AXDND1: variants seen among roughly 807,000 people sequenced by gnomAD.
The protein encoded by AXDND1 is axonemal dynein light chain domain containing 1, also known as axonemal dynein light chain domain-containing protein 1.
A neutral mutation model predicts 137.5 loss-of-function variants in AXDND1; 110 were observed. That is an observed-to-expected ratio of 0.80 (90% CI 0.69 to 0.94). The LOEUF (loss-of-function observed/expected upper bound fraction) is 0.94, where lower values mean the gene tolerates loss of function less well. AXDND1 is among the 40% of genes least tolerant of loss of function. The pLI, the probability that AXDND1 is intolerant of heterozygous loss-of-function variation, is 0.00. For synonymous variants in AXDND1, 414 were observed against 399.7 expected (o/e 1.04, Z -0.43); for missense variants, 1,191 against 1,169.8 (o/e 1.02, Z -0.26).
chr1:179,369,416 G>T (rs572579507), intron 3 of AXDND1, among the ~76,000 whole-genome samples: 1 of 152,286 alleles, frequency 6.6e-6, no homozygotes, highest in African/African-American at 2.4e-5. Context: ...AGCACTTTGG[G>T]AGGCTGAGGC....
rs907733097 is a variant in AXDND1 at position 179,432,273 on chromosome 1, A to G, written c.1494A>G (p.Lys498=). 3 of 1,549,364 alleles carry G rather than the reference A, an allele frequency of 1.9e-6. No individual in the cohort carries two copies. Among genetic ancestry groups the G allele is most frequent in the Admixed American group, 2.0e-5 (1 of 50,996 alleles). ...TTTTTTTTCTTCTTTTCAGTGAAAAAGACATTTTATCCCCTAATAAGGGAA... is the reference window on the plus strand; with the variant it reads ...TTTTTTTTCTTCTTTTCAGTGAAAAGGACATTTTATCCCCTAATAAGGGAA... ...LIKWQEFFNE[K]DILSPNKGNI... is the part of the protein sequence containing the mutation. The change falls in exon 15 of 26, where the codon AAA becomes AAG. Residue 498 remains lysine, a synonymous_variant. Transcript: ENST00000367618.
chr1:179,458,018 C>G (rs540853414), intron 16 of AXDND1, among the ~76,000 whole-genome samples: 34 of 141,384 alleles, frequency 2.4e-4, no homozygotes, highest in African/African-American at 9.1e-4. Flanking sequence ...TTGAGACAGT[C>G]TTACTCTGTT....
intron 12 of AXDND1, among the ~76,000 whole-genome samples, chr1:179,418,518 C>T (rs1256310975): frequency 1.1e-4 from 17 of 152,322 alleles, no homozygotes; most frequent in Admixed American, 2.0e-4. Context: ...ACCTCCCAGA[C>T]GGGGTGGTGG....
At chr1:179,488,630 C>T (rs949138457) in intron 18 of AXDND1, among the ~76,000 whole-genome samples, 2 of 60,072 alleles carry the variant, frequency 3.3e-5, no homozygotes, top group Admixed American at 1.6e-4. Context: ...CTCTCTCTCT[C>T]TCTCCTTTCT....
At chr1:179,536,591 A>C (rs996662030) in intron 25 of AXDND1, among the ~76,000 whole-genome samples, 1 of 152,164 alleles carries the variant, frequency 6.6e-6, no homozygotes, top group Non-Finnish European at 1.5e-5. Context: ...TGGTACCAGT[A>C]CCATGCTGTT....
chr1:179,452,694 C>CAAAAAA (rs56975419), intron 16 of AXDND1: 7 of 68,730 alleles, frequency 1.0e-4, no homozygotes, highest in African/African-American at 2.7e-4. Context: ...GACTCCGTCT[C>CAAAAAA]AAAAAAAAAA....
rs1327174262 is a variant in AXDND1 at position 179,534,824 on chromosome 1, G to T, written c.2893G>T (p.Glu965Ter). ...HTLIKNKDLE[E>*]LVMTSRKESK... is the part of the protein sequence containing the mutation. ...CCTTATAAAAAATAAAGATCTAGAG[G>T]AATTAGTCATGACATCAAGAAAGGA... Residue 965 changes from glutamate (E) to a stop codon, truncating the protein, a stop_gained, in exon 25 of 26, where the codon GAA (glutamate) becomes TAA (stop). Transcript: ENST00000367618. LOFTEE classifies it high-confidence loss of function. 1 of 1,609,626 alleles carries T rather than the reference G, an allele frequency of 6.2e-7. No homozygotes were observed. Among genetic ancestry groups the T allele is most frequent in the Admixed American group, 1.7e-5 (1 of 59,116 alleles).
intron 12 of AXDND1, among the ~76,000 whole-genome samples, chr1:179,416,279 C>T (rs1252591232): frequency 6.6e-6 from 1 of 152,166 alleles, no homozygotes; most frequent in Admixed American, 6.5e-5. Context: ...TATTATTTTT[C>T]AGTGGCTGAA....
intron 25 of AXDND1, among the ~76,000 whole-genome samples, chr1:179,538,437 A>C (rs750819807): frequency 2.0e-5 from 3 of 152,044 alleles, no homozygotes; most frequent in Non-Finnish European, 4.4e-5. Context: ...TTCTGCCCTC[A>C]TTTTGTTGTT....
chr1:179,405,704 A>G (rs2125194176), intron 11 of AXDND1, among the ~76,000 whole-genome samples: 1 of 135,756 alleles, frequency 7.4e-6, no homozygotes. Context: ...TATCAGTTAT[A>G]TCTCTTTTTG....
In AXDND1 at chr1:179,492,839, T is replaced by A; in HGVS notation, c.2292-16T>A. The A allele has an allele frequency of 6.5e-7, 1 of 1,549,480 alleles. No individual in the cohort carries two copies. The highest frequency in any genetic ancestry group is 8.8e-7 in the Non-Finnish European group (1 of 1,137,654). On this transcript the variant is annotated splice_polypyrimidine_tract_variant and intron_variant, in intron 19 of 25. Transcript: ENST00000367618. ...ATTTGCTCTTTTTCTTTTTCTTTTT[T>A]TCCCCCTTTTTGCAGTTGTTGCAAA...
intron 21 of AXDND1, among the ~76,000 whole-genome samples, chr1:179,524,426 T>G (rs1362506266): frequency 6.6e-6 from 1 of 152,190 alleles, no homozygotes; most frequent in East Asian, 1.9e-4. Context: ...TCTTCCATCT[T>G]AAACTCCAGA....
intron 15 of AXDND1, among the ~76,000 whole-genome samples, chr1:179,435,467 G>A (rs1284471363): frequency 2.6e-5 from 4 of 151,978 alleles, no homozygotes; most frequent in Admixed American, 1.3e-4. Context: ...TAACCAAAAC[G>A]TCATGGTACT....
Position 179,400,923 on chromosome 1 carries a change from A to AG in AXDND1, c.1109+5721_1109+5722insG, listed in dbSNP as rs1429222590. Among the ~76,000 whole-genome samples the AG allele has an allele frequency of 1.2e-3, 154 of 133,742 alleles. 1 individual carries two copies. Among genetic ancestry groups the AG allele is most frequent in the African/African-American group, 4.4e-3 (152 of 34,922 alleles). The allele number at this position is 133,742 out of a possible 152,430, so 87.7% of individuals were successfully genotyped here. A position where few individuals can be genotyped will look rare whatever the true frequency, so the allele number is the denominator to read the frequency against. Reference sequence around the variant, plus strand: ...CTGTCTCAAAAAAAAAAAAAAAAAAAAAAAGAAAAAAAAAAGGACACAGAA... The same window carrying AG: ...CTGTCTCAAAAAAAAAAAAAAAAAAAGAAAAGAAAAAAAAAAGGACACAGAA... On this transcript the variant is annotated intron_variant, in intron 11 of 25. Transcript: ENST00000367618.
chr1:179,472,392 A>T (rs1175493035), intron 17 of AXDND1, among the ~76,000 whole-genome samples: 1 of 152,194 alleles, frequency 6.6e-6, no homozygotes, highest in Non-Finnish European at 1.5e-5. Context: ...CATTAAAATT[A>T]TAGAGGTTTG....
chr1:179,395,135 A>G lies in AXDND1; in HGVS notation c.1042A>G (p.Thr348Ala), dbSNP rs745672142. 1 of 1,613,642 alleles carries G rather than the reference A, an allele frequency of 6.2e-7. No individual in the cohort carries two copies. The highest frequency in any genetic ancestry group is 8.5e-7 in the Non-Finnish European group (1 of 1,179,820). Reference sequence around the variant, plus strand: ...AGTTCGGGCACATGATGTGAAATTAACAAAGGAAACAGAAAAAGCCCACAA... The same window carrying G: ...AGTTCGGGCACATGATGTGAAATTAGCAAAGGAAACAGAAAAAGCCCACAA... ...CLVRAHDVKL[T>A]KETEKAHKDL... The change falls in exon 11 of 26, where the codon ACA (threonine) becomes GCA (alanine). Residue 348 changes from threonine (T) to alanine (A), a missense_variant. Transcript: ENST00000367618.
At chr1:179,438,801 C>A (rs1347286128) in intron 15 of AXDND1, among the ~76,000 whole-genome samples, 2 of 152,212 alleles carry the variant, frequency 1.3e-5, no homozygotes. Context: ...TCCTTCCTAG[C>A]TGCCAAAAAA....
chr1:179,537,030 A>C (rs977497996), intron 25 of AXDND1, among the ~76,000 whole-genome samples: 2 of 152,146 alleles, frequency 1.3e-5, no homozygotes, highest in African/African-American at 4.8e-5. Flanking sequence ...GGTGTATAGC[A>C]TGGAATGCTT....
intron 16 of AXDND1, among the ~76,000 whole-genome samples, chr1:179,457,913 G>T (rs551667499): frequency 6.6e-6 from 1 of 152,092 alleles, no homozygotes; most frequent in Non-Finnish European, 1.5e-5. Context: ...TAGGATTGTT[G>T]CTAACTGGCT....
Sources: allele counts gnomAD v4.1 joint callset (sites outside exome capture counted in the v4.1 genomes callset), GRCh38; gene constraint gnomAD v4.1.1; transcripts MANE v1.5; gene names NCBI Gene and HGNC (gene_info 2026-07-23, HGNC 2026-07-21).